SEC22C: variants seen among roughly 807,000 people sequenced by gnomAD.
SEC22C encodes the protein vesicle-trafficking protein SEC22c.
A neutral mutation model predicts 34.7 loss-of-function variants in SEC22C; 29 were observed. The observed-to-expected ratio is 0.84, with a 90% confidence interval of 0.62 to 1.14. The LOEUF is 1.14. Ranked by LOEUF, SEC22C falls within the 50% of genes most tolerant of loss-of-function variation. SEC22C has a pLI of 0.00. For missense variants in SEC22C, 337 were observed against 369.0 expected, an observed-to-expected ratio of 0.91 and a Z score of 0.71; for synonymous variants, 117 against 132.8, an observed-to-expected ratio of 0.88 and a Z score of 0.82.
At chr3:42,576,593 A>G (rs1017255234) in intron 1 of SEC22C, among the ~76,000 whole-genome samples, 7 of 152,168 alleles carry the variant, frequency 4.6e-5, no homozygotes, top group African/African-American at 7.2e-5. Flanking sequence ...CAGAACTTGT[A>G]TGCTGAAAAC....
intron 4 of SEC22C, among the ~76,000 whole-genome samples, chr3:42,558,474 C>T (rs1289908593): frequency 7.5e-6 from 1 of 133,994 alleles, no homozygotes; most frequent in Non-Finnish European, 1.5e-5. Context: ...GGCAACATAG[C>T]GACCTTGTCT....
chr3:42,548,929 T>G lies in SEC22C; in HGVS notation c.*4319A>C. On this transcript the variant is annotated 3_prime_UTR_variant, in exon 7 of 7. Coordinates refer to ENST00000264454, the MANE Select transcript of SEC22C (RefSeq NM_032970.4). ...CCCAGTATTACCCTCCACTACCACTTTTGACCCTCATAACAGCACCCTGGC... is the reference window on the plus strand; with the variant it reads ...CCCAGTATTACCCTCCACTACCACTGTTGACCCTCATAACAGCACCCTGGC... 7.9e-7 allele frequency: 1 copy of G among 1,261,534 alleles called. No individual in the cohort carries two copies. Among genetic ancestry groups the G allele is most frequent in the South Asian group, 2.5e-5 (1 of 40,540 alleles). The allele number at this position is 1,261,534 out of a possible 1,614,324, so 78.1% of individuals were successfully genotyped here. A position where few individuals can be genotyped will look rare whatever the true frequency, so the allele number is the denominator to read the frequency against.
In SEC22C at chr3:42,555,175, C is replaced by A. The variant is rs1265932410; in HGVS notation, c.711+755G>T. Among the ~76,000 whole-genome samples, 6 of 151,986 alleles carry A rather than the reference C, an allele frequency of 3.9e-5. No homozygotes were observed. In the East Asian group the frequency reaches 1.2e-3, roughly 29 times the overall value. On this transcript the variant is annotated intron_variant, in intron 6 of 6. Transcript: ENST00000264454. ...CCTGGCTAACATGGTGAAACCCCGT[C>A]TCTACTAAAAGTACAAAAAAAATTA...
intron 1 of SEC22C, among the ~76,000 whole-genome samples, chr3:42,590,319 G>A (rs1704774634): frequency 6.6e-6 from 1 of 152,182 alleles, no homozygotes; most frequent in Non-Finnish European, 1.5e-5. Context: ...GTATCTGGGT[G>A]CCAGACACGC....
chr3:42,569,113 G>A lies in SEC22C; in HGVS notation c.-27-40C>T, dbSNP rs996637482. 2.2e-6 allele frequency: 3 copies of A among 1,366,158 alleles called. No homozygotes were observed. In the Admixed American group the frequency reaches 6.0e-5, roughly 27 times the overall value. 84.6% of individuals were successfully genotyped at this position (1,366,158 alleles called of 1,614,324 possible). A position where few individuals can be genotyped will look rare whatever the true frequency, so the allele number is the denominator to read the frequency against. On this transcript the variant is annotated intron_variant, in intron 1 of 6. Transcript: ENST00000264454. ...GTCACCTTGTTACTGAGGCTCAAATGACAGTGCCAGAAATACCCCCACCTG... is the reference window on the plus strand; with the variant it reads ...GTCACCTTGTTACTGAGGCTCAAATAACAGTGCCAGAAATACCCCCACCTG...
At chr3:42,600,939 C>CCTCGCCCCT in intron 1 of SEC22C, 1 of 1,254,940 alleles carries the variant, frequency 8.0e-7, no homozygotes, top group Non-Finnish European at 1.1e-6. Context: ...CCCTCGCCCC[C>CCTCGCCCCT]GCCCTCGCCC....
At chr3:42,583,698 C>T (rs2125733981), upstream of SEC22C, among the ~76,000 whole-genome samples, 1 of 152,206 alleles carries the variant, frequency 6.6e-6, no homozygotes, top group East Asian at 1.9e-4. Context: ...GAAGATCTGT[C>T]CTCATCTAAT....
chr3:42,591,732 G>A, intron 1 of SEC22C: 1 of 699,080 alleles, frequency 1.4e-6, no homozygotes, highest in Non-Finnish European at 2.5e-6. Flanking sequence ...AGGAAAGAGA[G>A]GCTCAAAGAG....
intron 4 of SEC22C, among the ~76,000 whole-genome samples, chr3:42,558,097 G>A (rs1369339366): frequency 6.6e-6 from 1 of 152,184 alleles, no homozygotes; most frequent in Admixed American, 6.5e-5. Flanking sequence ...TAGAGGCCAG[G>A]AATGCTTCTA....
At chr3:42,594,612 C>T (rs1318955853) in intron 1 of SEC22C, 5 of 956,214 alleles carry the variant, frequency 5.2e-6, no homozygotes, top group African/African-American at 3.3e-5. Context: ...ACCAACTCAA[C>T]TGGTTAAAAC....
intron 1 of SEC22C, among the ~76,000 whole-genome samples, chr3:42,589,240 G>T (rs1312802924): frequency 6.6e-6 from 1 of 152,002 alleles, no homozygotes; most frequent in Non-Finnish European, 1.5e-5. Flanking sequence ...CTGCACTCCA[G>T]CCTGGGTGAC....
At chr3:42,573,850 C>T (rs1266381400) in intron 1 of SEC22C, among the ~76,000 whole-genome samples, 3 of 152,050 alleles carry the variant, frequency 2.0e-5, no homozygotes, top group Non-Finnish European at 4.4e-5. Context: ...ACTTGGAGAC[C>T]TGTGAGACTC....
upstream of SEC22C, chr3:42,582,165 A>T (rs1445942298): frequency 6.6e-6 from 1 of 152,158 alleles, no homozygotes; most frequent in Non-Finnish European, 1.5e-5. Flanking sequence ...CGCGCCTCCC[A>T]ACTTTCTTCC....
chr3:42,590,977 A>G (rs768706056), intron 1 of SEC22C: 8 of 374,390 alleles, frequency 2.1e-5, no homozygotes, highest in Non-Finnish European at 4.3e-5. Flanking sequence ...GTGAGCATCC[A>G]CGCGGGCGGG....
chr3:42,594,432 G>A (rs751251322), intron 1 of SEC22C: 12 of 1,613,590 alleles, frequency 7.4e-6, no homozygotes, highest in African/African-American at 2.7e-5. Context: ...GTACCAGCAT[G>A]TGTTACATAG....
intron 1 of SEC22C, among the ~76,000 whole-genome samples, chr3:42,596,038 T>C (rs1705018428): frequency 6.6e-6 from 1 of 151,880 alleles, no homozygotes; most frequent in Non-Finnish European, 1.5e-5. Context: ...TTTTTGTTTT[T>C]GTTTTTTTTT....
chr3:42,598,421 G>C (rs1032288081), intron 1 of SEC22C, among the ~76,000 whole-genome samples: 2 of 150,644 alleles, frequency 1.3e-5, no homozygotes, highest in African/African-American at 4.9e-5. Context: ...TCTGCCTCCC[G>C]GGTTCAAGTG....
chr3:42,567,206 C>T (rs1343400187), intron 2 of SEC22C, among the ~76,000 whole-genome samples: 2 of 152,112 alleles, frequency 1.3e-5, no homozygotes, highest in African/African-American at 2.4e-5. Context: ...CCAGCTAAGA[C>T]CCTGTCTCTA....
rs907670803 is a variant in SEC22C at position 42,551,088 on chromosome 3, C to T, written c.*2160G>A. The T allele has an allele frequency of 5.2e-6, 5 of 967,932 alleles. No individual in the cohort carries two copies. The highest frequency in any genetic ancestry group is 6.1e-6 in the Non-Finnish European group (5 of 814,276). 60.0% of individuals were successfully genotyped at this position (967,932 alleles called of 1,614,324 possible). On this transcript the variant is annotated 3_prime_UTR_variant, in exon 7 of 7. Transcript: ENST00000264454. ...TTCACCATGTTAGCCAGGATGGTCT[C>T]GATCTCTTGACCTCGTGATCTGCCC...
Sources: allele counts gnomAD v4.1 joint callset (sites outside exome capture counted in the v4.1 genomes callset), GRCh38; gene constraint gnomAD v4.1.1; transcripts MANE v1.5; gene names NCBI Gene and HGNC (gene_info 2026-07-23, HGNC 2026-07-21).